Variants in RIMBP2 observed in about 807,000 individuals in gnomAD.
RIMBP2 encodes the protein RIMS-binding protein 2.
A neutral mutation model predicts 118.6 loss-of-function variants in RIMBP2; 48 were observed. That is an observed-to-expected ratio of 0.40 (90% CI 0.32 to 0.51). RIMBP2 has a LOEUF of 0.51. Ranked by LOEUF, RIMBP2 falls within the 20% of genes least tolerant of loss-of-function variation. The probability of loss-of-function intolerance (pLI) is 0.41; values close to 1 mark genes in which losing one functional copy is unlikely to be tolerated. For missense variants in RIMBP2, 1,551 were observed against 1,768.3 expected (o/e 0.88, Z 2.20); for synonymous variants, 762 against 742.9 (o/e 1.03, Z -0.42).
At chr12:130,702,576 GAA>G (rs2065910712) in intron 1 of RIMBP2, among the ~76,000 whole-genome samples, 2 of 149,414 alleles carry the variant, frequency 1.3e-5, no homozygotes, top group Non-Finnish European at 3.0e-5. Context: ...AGGAAGGAAG[GAA>G]GGAAGGAAGA....
At chr12:130,689,668 C>T (rs1566459118) in intron 1 of RIMBP2, among the ~76,000 whole-genome samples, 1 of 152,130 alleles carries the variant, frequency 6.6e-6, no homozygotes, top group African/African-American at 2.4e-5. Flanking sequence ...ATCAACACTT[C>T]GAGACTGCAC....
rs1411500066 is a variant in RIMBP2, at chr12:130,450,094, G to A, written c.581+106C>T. On this transcript the variant is annotated intron_variant, in intron 9 of 22. Coordinates refer to ENST00000690449, the MANE Select transcript of RIMBP2 (RefSeq NM_001393629.1). The surrounding 1 kb of genome is among the most constrained non-coding windows in gnomAD (Gnocchi z 4.8). ...CAGGCTGAAATCCCACCTTCTCCTC[G>A]TGCCCTGGGAGAAGGGAACTTCTCA... The A allele has an allele frequency of 2.3e-5, 17 of 732,648 alleles. No homozygotes were observed. The highest frequency in any genetic ancestry group is 7.0e-5 in the Admixed American group (3 of 42,864). The allele number at this position is 732,648 out of a possible 1,614,324, so 45.4% of individuals were successfully genotyped here.
At chr12:130,634,198 G>A (rs1359039206) in intron 1 of RIMBP2, among the ~76,000 whole-genome samples, 1 of 152,156 alleles carries the variant, frequency 6.6e-6, no homozygotes, top group African/African-American at 2.4e-5. Flanking sequence ...AACTCTCCTG[G>A]AGATGCATGA....
intron 22 of RIMBP2, chr12:130,397,961 T>C (rs985216050): frequency 6.5e-6 from 1 of 154,112 alleles, no homozygotes; most frequent in African/African-American, 2.4e-5. Context: ...TATTTGGTTA[T>C]ATAAAATCCT....
At chr12:130,600,969 C>A (rs1337603720) in intron 2 of RIMBP2, among the ~76,000 whole-genome samples, 1 of 152,176 alleles carries the variant, frequency 6.6e-6, no homozygotes, top group Non-Finnish European at 1.5e-5. Context: ...CCTCCCCACA[C>A]CTCTATAAGT....
intron 1 of RIMBP2, among the ~76,000 whole-genome samples, chr12:130,706,107 AG>A (rs1302061008): frequency 6.6e-6 from 1 of 152,246 alleles, no homozygotes; most frequent in Non-Finnish European, 1.5e-5. Flanking sequence ...TAATAATAGC[AG>A]GAATCGTAAT....
chr12:130,487,388 A>G (rs1367249549), intron 4 of RIMBP2, among the ~76,000 whole-genome samples: 1 of 152,078 alleles, frequency 6.6e-6, no homozygotes, highest in African/African-American at 2.4e-5. Flanking sequence ...TCTTGCTCTG[A>G]GTTCACTCGA....
chr12:130,448,031 G>C (rs2078686318), intron 9 of RIMBP2, among the ~76,000 whole-genome samples: 1 of 151,882 alleles, frequency 6.6e-6, no homozygotes, highest in South Asian at 2.1e-4. Flanking sequence ...GGGCTCTGAG[G>C]GCTTTCAGAA....
At chr12:130,555,902 G>A (rs1052284315) in intron 2 of RIMBP2, among the ~76,000 whole-genome samples, 12 of 152,160 alleles carry the variant, frequency 7.9e-5, no homozygotes, top group Admixed American at 3.3e-4. Context: ...CGTGCAGGCC[G>A]GCTCTCAGAA....
At chr12:130,673,531 G>A (rs1251659470) in intron 1 of RIMBP2, among the ~76,000 whole-genome samples, 1 of 152,224 alleles carries the variant, frequency 6.6e-6, no homozygotes, top group Non-Finnish European at 1.5e-5. Context: ...AGAGGCCCAC[G>A]GAGCTTTGGG....
At chr12:130,569,993 C>T (rs1352868597) in intron 2 of RIMBP2, among the ~76,000 whole-genome samples, 1 of 152,180 alleles carries the variant, frequency 6.6e-6, no homozygotes, top group South Asian at 2.1e-4. Flanking sequence ...TTCACACACA[C>T]CTTTATGAGG....
intron 1 of RIMBP2, among the ~76,000 whole-genome samples, chr12:130,693,092 A>G (rs1011682311): frequency 6.6e-6 from 1 of 152,092 alleles, no homozygotes. Context: ...CACGATTTGA[A>G]CACAGAAGTT....
At chr12:130,565,867 AG>A (rs2057180525) in intron 2 of RIMBP2, among the ~76,000 whole-genome samples, 1 of 152,244 alleles carries the variant, frequency 6.6e-6, no homozygotes, top group Non-Finnish European at 1.5e-5. Context: ...GAGATGGAAG[AG>A]GGAAGAGCCA....
intron 2 of RIMBP2, among the ~76,000 whole-genome samples, chr12:130,566,344 C>A (rs2139982873): frequency 6.6e-6 from 1 of 152,306 alleles, no homozygotes; most frequent in South Asian, 2.1e-4. Flanking sequence ...AATATGTCCA[C>A]AAATTACCTG....
chr12:130,423,455 A>G (rs921099896), intron 16 of RIMBP2, among the ~76,000 whole-genome samples: 5 of 152,234 alleles, frequency 3.3e-5, no homozygotes, highest in Admixed American at 3.3e-4. Flanking sequence ...TGAAAAGGTC[A>G]GCATGACAGG....
chr12:130,529,586 T>A (rs10437805), intron 2 of RIMBP2, among the ~76,000 whole-genome samples: 113,466 of 152,116 alleles, frequency 0.75, 42,454 homozygotes, highest in East Asian at 0.84. Context: ...TGCCACTGAA[T>A]TGTTCACTAT....
chr12:130,493,687 G>A (rs556645889), intron 4 of RIMBP2, among the ~76,000 whole-genome samples: 1 of 152,206 alleles, frequency 6.6e-6, no homozygotes, highest in South Asian at 2.1e-4. Context: ...GGTTGCCCCA[G>A]GGAACTCAAT....
intron 2 of RIMBP2, among the ~76,000 whole-genome samples, chr12:130,524,286 T>C (rs2052513254): frequency 6.6e-6 from 1 of 152,172 alleles, no homozygotes; most frequent in South Asian, 2.1e-4. Flanking sequence ...TGCTCTTCTT[T>C]GTCCTCTACC....
At chr12:130,407,608 C>T (rs748918711) in intron 20 of RIMBP2, 118 bp downstream of exon 20, 69 of 846,422 alleles carry the variant, frequency 8.2e-5, no homozygotes, top group Non-Finnish European at 1.0e-4. Context: ...GCCCTTCCTA[C>T]GGATGGTTCG....
Sources: allele counts gnomAD v4.1 joint callset (sites outside exome capture counted in the v4.1 genomes callset), GRCh38; gene constraint gnomAD v4.1.1; non-coding constraint Gnocchi (gnomAD v3.1); transcripts MANE v1.5; gene names NCBI Gene and HGNC (gene_info 2026-07-23, HGNC 2026-07-21).